Variants in MYT1L observed in about 807,000 individuals in gnomAD.
The protein encoded by MYT1L is myelin transcription factor 1-like protein.
Under a neutral mutation model 126.7 loss-of-function variants are expected in MYT1L, and 12 were observed. The observed-to-expected ratio is 0.09, with a 90% CI of 0.06 to 0.15. MYT1L has a LOEUF of 0.15. Ranked by LOEUF, MYT1L falls within the 10% of genes least tolerant of loss-of-function variation. The pLI, the probability that MYT1L is intolerant of heterozygous loss-of-function variation, is 1.00. For missense variants in MYT1L, 979 were observed against 1,585.2 expected (o/e 0.62, Z 6.49); for synonymous variants, 541 against 604.2 (o/e 0.90, Z 1.53).
chr2:1,864,306 C>A (rs1048924748), intron 18 of MYT1L, among the ~76,000 whole-genome samples: 2 of 152,190 alleles, frequency 1.3e-5, no homozygotes, highest in Non-Finnish European at 2.9e-5. Flanking sequence ...CTTCTGGAAA[C>A]CCCTGCCTAG....
chr2:1,903,251 A>G lies in MYT1L; in HGVS notation c.1861T>C (p.Tyr621His). Residue 621 changes from tyrosine to histidine, a missense_variant, in exon 14 of 25, where the codon TAC becomes CAC. Coordinates refer to ENST00000647738, the MANE Select transcript of MYT1L (RefSeq NM_001303052.2). ...GTAGTTGTGGGGACATTGTTTCTGT[A>G]GCCATACTGAGGAATCTCCAGCTGC... is the stretch of plus-strand genomic sequence containing the variant. ...VKQLEIPQYG[Y>H]RNNVPTTTPR... 1 of 1,613,856 alleles carries G rather than the reference A, an allele frequency of 6.2e-7. No homozygotes were observed. Among genetic ancestry groups the G allele is most frequent in the Non-Finnish European group, 8.5e-7 (1 of 1,179,812 alleles).
At chr2:1,931,316 A>G (rs2054944752) in intron 9 of MYT1L, among the ~76,000 whole-genome samples, 1 of 151,528 alleles carries the variant, frequency 6.6e-6, no homozygotes, top group South Asian at 2.1e-4. Context: ...CCTTGCAGAC[A>G]CTTCCTCCAC....
intron 2 of MYT1L, among the ~76,000 whole-genome samples, chr2:2,181,051 C>A (rs533338288): frequency 6.7e-6 from 1 of 148,842 alleles, no homozygotes; most frequent in Non-Finnish European, 1.5e-5. Flanking sequence ...TGTGTGTGCA[C>A]CTGTAACCGT....
At chr2:2,083,981 A>G (rs2076105898) in intron 3 of MYT1L, among the ~76,000 whole-genome samples, 2 of 151,680 alleles carry the variant, frequency 1.3e-5, no homozygotes, top group Admixed American at 1.3e-4. Context: ...AGACCACTCC[A>G]TCAGTAAGCC....
chr2:1,807,106 GACA>G (rs2035842960), intron 22 of MYT1L, among the ~76,000 whole-genome samples: 1 of 152,054 alleles, frequency 6.6e-6, no homozygotes, highest in South Asian at 2.1e-4. Context: ...GGCAGAAACT[GACA>G]GGAGCAGCCT....
chr2:2,219,053 C>T (rs2093775791), intron 2 of MYT1L, among the ~76,000 whole-genome samples: 1 of 152,134 alleles, frequency 6.6e-6, no homozygotes, highest in Non-Finnish European at 1.5e-5. Context: ...ATGTTTTCTA[C>T]TTTAGTGGAA....
rs1036327026 is a variant in MYT1L, at chr2:2,241,778, C to T, written c.-421+42626G>A. Among the ~76,000 whole-genome samples, 7 of 152,156 alleles carry T rather than the reference C, an allele frequency of 4.6e-5. No homozygotes were observed. The East Asian group carries it at 7.7e-4, about 17-fold the overall frequency. ...CTTAGAAAGGAAGGATGTTCTGACC[C>T]ATTCTACGACATGGCTGGATGTTGA... is the stretch of plus-strand genomic sequence containing the variant. On this transcript the variant is annotated intron_variant, in intron 2 of 24. Coordinates refer to ENST00000647738, the MANE Select transcript of MYT1L (RefSeq NM_001303052.2).
Position 1,847,713 on chromosome 2 carries a change from A to G in MYT1L, c.2774+3928T>C, listed in dbSNP as rs575656754. Among the ~76,000 whole-genome samples the G allele has an allele frequency of 6.0e-4, 91 of 152,326 alleles. 1 individual carries two copies. The highest frequency in any genetic ancestry group is 2.1e-3 in the African/African-American group (87 of 41,568). ...AAACAAGAGTATAAAGAGGAGCCCCATGGATGACTGTGAATGACATGGAAG... is the reference window on the plus strand; with the variant it reads ...AAACAAGAGTATAAAGAGGAGCCCCGTGGATGACTGTGAATGACATGGAAG... On this transcript the variant is annotated intron_variant, in intron 19 of 24. Coordinates refer to ENST00000647738, the MANE Select transcript of MYT1L (RefSeq NM_001303052.2).
rs1367063361 is a variant in MYT1L at position 1,852,125 on chromosome 2, T to C, written c.2712-422A>G. Reference sequence around the variant, plus strand: ...ATGCCCTGGGGTCTGAGAGAATGGTTTTAGTCTGAACTCAGACCCCAGCAC... The same window carrying C: ...ATGCCCTGGGGTCTGAGAGAATGGTCTTAGTCTGAACTCAGACCCCAGCAC... On this transcript the variant is annotated intron_variant, in intron 18 of 24. Transcript: ENST00000647738. This position sits in a 1 kb window ranked among gnomAD's most constrained non-coding sequence, Gnocchi z 4.0. Among the ~76,000 whole-genome samples the C allele has an allele frequency of 6.6e-6, 1 of 152,144 alleles. No individual in the cohort carries two copies. The highest frequency in any genetic ancestry group is 1.5e-5 in the Non-Finnish European group (1 of 68,028).
intron 4 of MYT1L, among the ~76,000 whole-genome samples, chr2:2,031,538 T>A (rs938572256): frequency 6.5e-5 from 9 of 137,948 alleles, no homozygotes; most frequent in Non-Finnish European, 1.2e-4. Flanking sequence ...GTGCCTCTCA[T>A]CCTGTGGCCC....
intron 8 of MYT1L, among the ~76,000 whole-genome samples, chr2:1,970,603 G>C (rs2059740538): frequency 6.6e-6 from 1 of 152,194 alleles, no homozygotes; most frequent in African/African-American, 2.4e-5. Flanking sequence ...GGGTTCCCGG[G>C]GGCTCTGTGG....
chr2:2,213,276 G>A (rs1181044422), intron 2 of MYT1L, among the ~76,000 whole-genome samples: 1 of 152,188 alleles, frequency 6.6e-6, no homozygotes, highest in Non-Finnish European at 1.5e-5. Context: ...GTGTTGCCAG[G>A]AGGGGAAACC....
chr2:2,317,030 G>T (rs1409059365), intron 1 of MYT1L, among the ~76,000 whole-genome samples: 2 of 151,786 alleles, frequency 1.3e-5, no homozygotes, highest in Non-Finnish European at 2.9e-5. Context: ...TGTTAGCCAG[G>T]ATGGCCTCCA....
rs1395858756 is a variant in MYT1L, at chr2:1,789,396, G to A, written c.*2471C>T. The A allele has an allele frequency of 1.3e-5, 2 of 152,072 alleles. No homozygotes were observed. The highest frequency in any genetic ancestry group is 6.5e-5 in the Admixed American group (1 of 15,270). The allele number at this position is 152,072 out of a possible 1,614,324, so 9.4% of individuals were successfully genotyped here. A position where few individuals can be genotyped will look rare whatever the true frequency, so the allele number is the denominator to read the frequency against. ...CTTAAATTAACTTAGAAATGAATATGAACAATAAGTTATAATAAACTCTGA... is the reference window on the plus strand; with the variant it reads ...CTTAAATTAACTTAGAAATGAATATAAACAATAAGTTATAATAAACTCTGA... On this transcript the variant is annotated 3_prime_UTR_variant, in exon 25 of 25. Transcript: ENST00000647738.
chr2:1,855,022 G>A (rs993374922), intron 18 of MYT1L, among the ~76,000 whole-genome samples: 48 of 152,218 alleles, frequency 3.2e-4, no homozygotes, highest in African/African-American at 9.7e-4. Flanking sequence ...GACCACATAA[G>A]GCAGCCCAGA....
At chr2:1,876,905 A>G (rs1232400447) in intron 18 of MYT1L, among the ~76,000 whole-genome samples, 1 of 152,124 alleles carries the variant, frequency 6.6e-6, no homozygotes, top group Admixed American at 6.5e-5. Flanking sequence ...CGTCTCCCCA[A>G]ATGTCAGACC....
intron 2 of MYT1L, 65 bp downstream of exon 2, chr2:2,284,339 C>T (rs1360532089): frequency 6.6e-6 from 1 of 152,030 alleles, no homozygotes; most frequent in African/African-American, 2.4e-5. Context: ...GTGAGTTCTG[C>T]TTGTTTTCAG....
intron 1 of MYT1L, among the ~76,000 whole-genome samples, chr2:2,300,720 A>T (rs1043784574): frequency 1.3e-5 from 2 of 152,218 alleles, no homozygotes; most frequent in African/African-American, 2.4e-5. Flanking sequence ...GGACGTTCTC[A>T]AATCCACGCG....
intron 1 of MYT1L, chr2:2,324,342 C>T (rs2096216336): frequency 6.6e-6 from 1 of 152,218 alleles, no homozygotes; most frequent in Non-Finnish European, 1.5e-5. Context: ...CCAGAAAATT[C>T]TCCAACCTGC....
Sources: gnomAD v4.1 joint callset for allele counts (sites outside exome capture counted in the v4.1 genomes callset) on GRCh38, gnomAD v4.1.1 for gene constraint, Gnocchi (gnomAD v3.1) non-coding constraint, MANE v1.5 for transcripts, NCBI Gene and HGNC (gene_info 2026-07-23, HGNC 2026-07-21) for gene names.